The following PARVA variants were observed in gnomAD, a reference collection of about 807,000 sequenced individuals.
PARVA encodes the protein alpha-parvin.
A neutral mutation model predicts 52.6 loss-of-function variants in PARVA; 25 were observed. The ratio of observed to expected loss-of-function variants is 0.48; its 90% CI spans 0.35 to 0.66. The LOEUF (loss-of-function observed/expected upper bound fraction) is 0.66. Among genes scored for constraint, PARVA ranks in the 30% least tolerant of loss-of-function variants. PARVA has a pLI of 0.01. For synonymous variants in PARVA, 185 were observed against 179.1 expected (o/e 1.03, Z -0.26); for missense variants, 373 against 450.9 (o/e 0.83, Z 1.56).
intron 4 of PARVA, 192 bp downstream of exon 4, chr11:12,478,141 G>T: frequency 1.5e-6 from 1 of 675,876 alleles, no homozygotes. Flanking sequence ...TGAATGAATT[G>T]TAGAGGGAGT....
At chr11:12,399,712 T>C (rs1939798960) in intron 1 of PARVA, among the ~76,000 whole-genome samples, 1 of 152,184 alleles carries the variant, frequency 6.6e-6, no homozygotes, top group Non-Finnish European at 1.5e-5. Context: ...CTTTTTGATT[T>C]TTTTCTCATT....
chr11:12,462,699 T>C (rs1940800224), intron 1 of PARVA, among the ~76,000 whole-genome samples: 1 of 152,204 alleles, frequency 6.6e-6, no homozygotes, highest in Admixed American at 6.5e-5. Flanking sequence ...CATGGATAGA[T>C]GCAATTCCAG....
chr11:12,377,592 G>C lies in PARVA; in HGVS notation c.-56G>C. 6.6e-7 allele frequency: 1 copy of C among 1,508,748 alleles called. No homozygotes were observed. Among genetic ancestry groups the C allele is most frequent in the Middle Eastern group, 1.7e-4 (1 of 5,860 alleles). The allele number at this position is 1,508,748 out of a possible 1,614,324, so 93.5% of individuals were successfully genotyped here. On this transcript the variant is annotated 5_prime_UTR_variant, in exon 1 of 13. Transcript: ENST00000334956. ...CCTCAGTCCCGCCGCCGCCCGCTGCGTCCGCCCAGCGCCAGCTCCGCGTCC... is the reference window on the plus strand; with the variant it reads ...CCTCAGTCCCGCCGCCGCCCGCTGCCTCCGCCCAGCGCCAGCTCCGCGTCC...
chr11:12,440,103 C>T (rs1940441463), intron 1 of PARVA, among the ~76,000 whole-genome samples: 1 of 152,164 alleles, frequency 6.6e-6, no homozygotes, highest in African/African-American at 2.4e-5. Context: ...TGCTGTATCC[C>T]CAGCACCTGG....
intron 1 of PARVA, among the ~76,000 whole-genome samples, chr11:12,445,671 T>A (rs367922289): frequency 6.6e-6 from 1 of 152,180 alleles, no homozygotes; most frequent in East Asian, 1.9e-4. Context: ...TTGGGTGACA[T>A]TGAACCTTAG....
chr11:12,407,049 A>G (rs1939922949), intron 1 of PARVA, among the ~76,000 whole-genome samples: 1 of 152,142 alleles, frequency 6.6e-6, no homozygotes, highest in African/African-American at 2.4e-5. Context: ...ATTAGACCCT[A>G]GAATATATTC....
At chr11:12,458,540 A>G (rs1346220) in intron 1 of PARVA, among the ~76,000 whole-genome samples, 8,597 of 151,870 alleles carry the variant, frequency 0.057, 834 homozygotes, top group African/African-American at 0.19. Flanking sequence ...GGAAAAGAGC[A>G]TGTTCTGTTC....
At chr11:12,379,075 T>A (rs1939447233) in intron 1 of PARVA, among the ~76,000 whole-genome samples, 1 of 152,214 alleles carries the variant, frequency 6.6e-6, no homozygotes, top group African/African-American at 2.4e-5. Flanking sequence ...TTAGACCATA[T>A]AGGGTAACTT....
chr11:12,381,996 C>T (rs762377721), intron 1 of PARVA, among the ~76,000 whole-genome samples: 10 of 152,206 alleles, frequency 6.6e-5, no homozygotes, highest in Non-Finnish European at 1.3e-4. Context: ...GCGAGAACCT[C>T]AAGAGATCAC....
At chr11:12,377,092 C>CT (rs1219717301), upstream of PARVA, 3 of 167,090 alleles carry the variant, frequency 1.8e-5, no homozygotes, top group Non-Finnish European at 3.8e-5. Flanking sequence ...GTTCTGCCCA[C>CT]TTTGGTGGGG....
intron 1 of PARVA, among the ~76,000 whole-genome samples, chr11:12,456,940 C>G (rs1372993338): frequency 2.0e-5 from 3 of 152,162 alleles, no homozygotes; most frequent in African/African-American, 7.2e-5. Flanking sequence ...GTACCAGCTA[C>G]CCCACACTTG....
At chr11:12,417,999 T>G (rs1940091337) in intron 1 of PARVA, among the ~76,000 whole-genome samples, 1 of 152,164 alleles carries the variant, frequency 6.6e-6, no homozygotes, top group Non-Finnish European at 1.5e-5. Flanking sequence ...TAAGGCTGGC[T>G]TGGAGTGGGG....
chr11:12,461,649 C>T (rs1034928707), intron 1 of PARVA, among the ~76,000 whole-genome samples: 18 of 152,186 alleles, frequency 1.2e-4, no homozygotes, highest in Admixed American at 2.6e-4. Flanking sequence ...CATCTCCTTC[C>T]ATGCCTACGA....
chr11:12,378,188 C>T (rs1223161587), intron 1 of PARVA, among the ~76,000 whole-genome samples: 2 of 152,110 alleles, frequency 1.3e-5, no homozygotes, highest in Non-Finnish European at 2.9e-5. Context: ...TGGCATTTCC[C>T]AAGTTTCCGC....
intron 1 of PARVA, among the ~76,000 whole-genome samples, chr11:12,415,458 C>T (rs573410463): frequency 2.6e-5 from 4 of 151,796 alleles, no homozygotes; most frequent in African/African-American, 9.7e-5. Context: ...CTCCCCCACC[C>T]CAACATGTGC....
chr11:12,471,899 C>A (rs1940940495), intron 1 of PARVA, among the ~76,000 whole-genome samples: 2 of 152,254 alleles, frequency 1.3e-5, no homozygotes, highest in South Asian at 4.1e-4. Flanking sequence ...CCTAGCCTTG[C>A]AGCCACATTT....
chr11:12,518,811 T>TCAGCA (rs1941604066), intron 12 of PARVA, among the ~76,000 whole-genome samples: 1 of 152,200 alleles, frequency 6.6e-6, no homozygotes, highest in Admixed American at 6.5e-5. Flanking sequence ...GGTTTTCCTG[T>TCAGCA]CCCTGCACAG....
intron 1 of PARVA, among the ~76,000 whole-genome samples, chr11:12,457,457 A>G (rs527548729): frequency 7.9e-5 from 12 of 152,364 alleles, no homozygotes; most frequent in African/African-American, 2.4e-4. Context: ...AATGCTTCAC[A>G]GTCAGTGTCC....
At chr11:12,441,528 A>C (rs1940466596) in intron 1 of PARVA, among the ~76,000 whole-genome samples, 2 of 152,176 alleles carry the variant, frequency 1.3e-5, no homozygotes, top group African/African-American at 2.4e-5. Context: ...GGTTTTGGTT[A>C]ATCCACACCA....
Sources: gnomAD v4.1 joint callset for allele counts (sites outside exome capture counted in the v4.1 genomes callset) on GRCh38, gnomAD v4.1.1 for gene constraint, MANE v1.5 for transcripts, NCBI Gene and HGNC (gene_info 2026-07-23, HGNC 2026-07-21) for gene names.